The following MTNR1A variants were observed in gnomAD, a reference collection of about 807,000 sequenced individuals.
MTNR1A encodes melatonin receptor 1A.
In MTNR1A, 7 loss-of-function variants were observed where a neutral mutation model predicts 5.5. That is an observed-to-expected ratio of 1.28 (90% CI 0.73 to 2.40). MTNR1A has a LOEUF of 2.40. Among genes scored for constraint, MTNR1A ranks in the 30% most tolerant of loss-of-function variants. MTNR1A has a pLI of 0.00. For synonymous variants in MTNR1A, 196 were observed against 202.7 expected (o/e 0.97, Z 0.28); for missense variants, 441 against 464.4 (o/e 0.95, Z 0.46).
chr4:186,535,528 C>T (rs1315326088), intron 1 of MTNR1A, among the ~76,000 whole-genome samples: 1 of 152,158 alleles, frequency 6.6e-6, no homozygotes, highest in East Asian at 1.9e-4. Flanking sequence ...CCTCCTACCT[C>T]AGCCTCCCAA....
At chr4:186,543,824 G>T (rs1391918289) in intron 1 of MTNR1A, among the ~76,000 whole-genome samples, 3 of 152,118 alleles carry the variant, frequency 2.0e-5, no homozygotes, top group Admixed American at 6.6e-5. Flanking sequence ...GTTAAATATG[G>T]TTAAAAGATA....
intron 1 of MTNR1A, among the ~76,000 whole-genome samples, chr4:186,540,277 C>T (rs1365623278): frequency 6.6e-6 from 1 of 152,176 alleles, no homozygotes; most frequent in Non-Finnish European, 1.5e-5. Context: ...TGCTCAAGTC[C>T]CACAGTTGGC....
At chr4:186,542,256 T>C (rs1737041908) in intron 1 of MTNR1A, among the ~76,000 whole-genome samples, 1 of 152,194 alleles carries the variant, frequency 6.6e-6, no homozygotes, top group Non-Finnish European at 1.5e-5. Context: ...AAGGGAGCAG[T>C]GGTTTGTTCT....
At chr4:186,552,009 G>A (rs1256876085) in intron 1 of MTNR1A, among the ~76,000 whole-genome samples, 1 of 152,148 alleles carries the variant, frequency 6.6e-6, no homozygotes, top group Non-Finnish European at 1.5e-5. Flanking sequence ...TCATATCCCT[G>A]TCTTCTTAAG....
At chr4:186,537,105 T>G (rs1389113203) in intron 1 of MTNR1A, among the ~76,000 whole-genome samples, 1 of 152,228 alleles carries the variant, frequency 6.6e-6, no homozygotes, top group Non-Finnish European at 1.5e-5. Context: ...TGCATTACAA[T>G]TCAAGCAATT....
chr4:186,541,054 C>T (rs1284421897), intron 1 of MTNR1A, among the ~76,000 whole-genome samples: 4 of 152,160 alleles, frequency 2.6e-5, no homozygotes, highest in Non-Finnish European at 4.4e-5. Context: ...CCACAGCCTG[C>T]GTTCCCACCA....
Position 186,534,256 on chromosome 4 carries a change from G to A in MTNR1A, c.486C>T (p.Asn162=). The change falls in exon 2 of 2, where the codon AAC becomes AAT. Residue 162 remains asparagine (N), a synonymous_variant. Transcript: ENST00000307161. ...CGTACTGGAGAGTCCCTGCACGGAGGTTGGGCAGGACGGCCGCCAGCGTCA... is the reference window on the plus strand; with the variant it reads ...CGTACTGGAGAGTCCCTGCACGGAGATTGGGCAGGACGGCCGCCAGCGTCA... ...WLLTLAAVLP[N]LRAGTLQYDP... is the part of the protein sequence containing the mutation. 3.1e-6 allele frequency: 5 copies of A among 1,614,176 alleles called. No homozygotes were observed. The highest frequency in any genetic ancestry group is 1.1e-5 in the South Asian group (1 of 91,072).
intron 1 of MTNR1A, among the ~76,000 whole-genome samples, chr4:186,553,575 A>G (rs112294761): frequency 0.012 from 1,839 of 152,306 alleles, 36 homozygotes; most frequent in African/African-American, 0.041. Context: ...GCAATGGCAC[A>G]ATCTCTGTTC....
chr4:186,534,661 C>T (rs1736804397), intron 1 of MTNR1A, 104 bp from the exon 2 acceptor site: 5 of 1,423,018 alleles, frequency 3.5e-6, no homozygotes, highest in Non-Finnish European at 3.9e-6. Flanking sequence ...GATGACCTGA[C>T]GTCACAGCGG....
chr4:186,543,217 A>T (rs914219718), intron 1 of MTNR1A, among the ~76,000 whole-genome samples: 2 of 152,240 alleles, frequency 1.3e-5, no homozygotes, highest in African/African-American at 4.8e-5. Context: ...CCTGATCATC[A>T]AGGGGAAACT....
At chr4:186,544,575 T>C (rs13140444) in intron 1 of MTNR1A, among the ~76,000 whole-genome samples, 59,036 of 152,064 alleles carry the variant, frequency 0.39, 11,790 homozygotes, top group East Asian at 0.62. Context: ...CTGTGCAAAG[T>C]GTGGACCCTG....
At position 186,534,136 on chromosome 4, in the gene MTNR1A, T is replaced by C; in HGVS notation, c.606A>G (p.Ile202Met). ...VVFHFLVPMI[I>M]VIFCYLRIWI... The stretch of plus-strand genomic sequence containing the variant: ...ATATTCTCAGGTAACAGAAGATGAC[T>C]ATGATCATGGGGACGAGGAAGTGGA... The change falls in exon 2 of 2, where the codon ATA becomes ATG. Residue 202 changes from isoleucine (I) to methionine (M), a missense_variant. Coordinates refer to ENST00000307161, the MANE Select transcript of MTNR1A (RefSeq NM_005958.4). 2 of 1,613,898 alleles carry C rather than the reference T, an allele frequency of 1.2e-6. No homozygotes were observed. Among genetic ancestry groups the C allele is most frequent in the Non-Finnish European group, 1.7e-6 (2 of 1,179,848 alleles).
At position 186,555,438 on chromosome 4, in the gene MTNR1A, C is replaced by A; in HGVS notation, c.-73G>T. 8.1e-7 allele frequency: 1 copy of A among 1,229,154 alleles called. No homozygotes were observed. The highest frequency in any genetic ancestry group is 1.0e-6 in the Non-Finnish European group (1 of 971,020). 76.1% of individuals were successfully genotyped at this position (1,229,154 alleles called of 1,614,324 possible). The stretch of plus-strand genomic sequence containing the variant: ...CCCGCCCGACCACTTGTTAAGGCTC[C>A]GCCCGGCGCTCCCCGCGCCCACGCC... On this transcript the variant is annotated 5_prime_UTR_variant, in exon 1 of 2. Transcript: ENST00000307161. The surrounding 1 kb of genome is among the most constrained non-coding windows in gnomAD (Gnocchi z 4.1).
intron 1 of MTNR1A, among the ~76,000 whole-genome samples, chr4:186,548,177 T>G (rs1005902625): frequency 2.0e-5 from 3 of 152,158 alleles, no homozygotes; most frequent in Non-Finnish European, 4.4e-5. Context: ...TTTCCGAACC[T>G]TGAAGGACTC....
In MTNR1A at chr4:186,534,347, CTG is replaced by C. The variant is rs1368404183; in HGVS notation, c.393_394del (p.His131GlnfsTer93). On this transcript the variant is annotated frameshift_variant, in exon 2 of 2. Coordinates refer to ENST00000307161, the MANE Select transcript of MTNR1A (RefSeq NM_005958.4). LOFTEE classifies it low-confidence loss of function (END_TRUNC). ...GCTGTACAGTTTGTCGTACTTGAGA[CTG>C]TGGCAGATGTAGCAGTAGCGGTTGA... The C allele has an allele frequency of 4.3e-6, 7 of 1,613,996 alleles. No homozygotes were observed. In the East Asian group the frequency reaches 1.3e-4, roughly 31 times the overall value.
Position 186,555,480 on chromosome 4 carries a change from T to A in MTNR1A, c.-115A>T. ...GCCCACGCCCCATCCCGCGCGCTCC[T>A]CCACGCCGCGCCCCCGGACGCCCAC... On this transcript the variant is annotated 5_prime_UTR_variant, in exon 1 of 2. Coordinates refer to ENST00000307161, the MANE Select transcript of MTNR1A (RefSeq NM_005958.4). This position sits in a 1 kb window ranked among gnomAD's most constrained non-coding sequence, Gnocchi z 4.1. 1 of 835,750 alleles carries A rather than the reference T, an allele frequency of 1.2e-6. No homozygotes were observed. Among genetic ancestry groups the A allele is most frequent in the Non-Finnish European group, 1.6e-6 (1 of 642,294 alleles). The allele number at this position is 835,750 out of a possible 1,614,324, so 51.8% of individuals were successfully genotyped here. A position where few individuals can be genotyped will look rare whatever the true frequency, so the allele number is the denominator to read the frequency against.
chr4:186,553,359 G>C (rs73024798), intron 1 of MTNR1A, among the ~76,000 whole-genome samples: 1,840 of 152,232 alleles, frequency 0.012, 36 homozygotes, highest in African/African-American at 0.042. Flanking sequence ...CGGATTAAAG[G>C]TCACTAAGGG....
In MTNR1A at chr4:186,534,371, T is replaced by A; in HGVS notation, c.371A>T (p.Asn124Ile). The change falls in exon 2 of 2, where the codon AAC (asparagine) becomes ATC (isoleucine). Residue 124 changes from asparagine (N) to isoleucine (I), a missense_variant. Asn to Ile is a moderately radical substitution (Grantham distance 149). Transcript: ENST00000307161. ...SIFNITGIAI[N>I]RYCYICHSLK... The stretch of plus-strand genomic sequence containing the variant: ...ACTGTGGCAGATGTAGCAGTAGCGG[T>A]TGATGGCGATGCCGGTGATGTTGAA... The A allele has an allele frequency of 6.2e-7, 1 of 1,614,120 alleles. No individual in the cohort carries two copies. Among genetic ancestry groups the A allele is most frequent in the East Asian group, 2.2e-5 (1 of 44,868 alleles).
Position 186,555,162 on chromosome 4 carries a change from G to C in MTNR1A, c.184+20C>G. 1 of 1,584,182 alleles carries C rather than the reference G, an allele frequency of 6.3e-7. No individual in the cohort carries two copies. Among genetic ancestry groups the C allele is most frequent in the East Asian group, 2.3e-5 (1 of 43,476 alleles). ...GCTGCGTCCGGAGCGCTGGCCCAGG[G>C]GAGGCGGCGCGGGCCCTACCTGCGT... On this transcript the variant is annotated intron_variant, in intron 1 of 1. Transcript: ENST00000307161. The surrounding 1 kb of genome is among the most constrained non-coding windows in gnomAD (Gnocchi z 4.1).
Sources: allele counts gnomAD v4.1 joint callset (sites outside exome capture counted in the v4.1 genomes callset), GRCh38; gene constraint gnomAD v4.1.1; non-coding constraint Gnocchi (gnomAD v3.1); transcripts MANE v1.5; gene names NCBI Gene and HGNC (gene_info 2026-07-23, HGNC 2026-07-21).